The following ARHGEF26 variants were observed in gnomAD, a reference collection of about 807,000 sequenced individuals.
ARHGEF26 encodes the protein Rho guanine nucleotide exchange factor (GEF) 26.
In ARHGEF26, 59 loss-of-function variants were observed where a neutral mutation model predicts 89.4. The ratio of observed to expected loss-of-function variants is 0.66; its 90% CI spans 0.54 to 0.82. ARHGEF26 has a LOEUF of 0.82. ARHGEF26 is among the 40% of genes least tolerant of loss of function. The pLI is 0.00. For synonymous variants in ARHGEF26, 500 were observed against 428.4 expected, an observed-to-expected ratio of 1.17 and a Z score of -2.06; for missense variants, 1,234 against 1,085.6, an observed-to-expected ratio of 1.14 and a Z score of -1.92.
chr3:154,250,278 C>T (rs1369350066), intron 12 of ARHGEF26, among the ~76,000 whole-genome samples: 2 of 152,126 alleles, frequency 1.3e-5, no homozygotes, highest in Non-Finnish European at 2.9e-5. Flanking sequence ...ATCCCTGCCT[C>T]GGCCTCCAAA....
In ARHGEF26 at chr3:154,256,623, T is replaced by G. The variant is rs1718529487; in HGVS notation, c.*1150T>G. Reference sequence around the variant, plus strand: ...AAACTGACGTGAGGCTGCTTTGCCTTCAATAATACCTAGTTTTCAGCTGTT... The same window carrying G: ...AAACTGACGTGAGGCTGCTTTGCCTGCAATAATACCTAGTTTTCAGCTGTT... On this transcript the variant is annotated 3_prime_UTR_variant, in exon 15 of 15. Coordinates refer to ENST00000465093, the MANE Select transcript of ARHGEF26 (RefSeq NM_015595.4). 9.1e-7 allele frequency: 1 copy of G among 1,103,682 alleles called. No individual in the cohort carries two copies. The highest frequency in any genetic ancestry group is 1.1e-6 in the Non-Finnish European group (1 of 908,266). The allele number at this position is 1,103,682 out of a possible 1,614,324, so 68.4% of individuals were successfully genotyped here.
At chr3:154,139,505 A>C (rs983084719) in intron 4 of ARHGEF26, among the ~76,000 whole-genome samples, 1 of 152,208 alleles carries the variant, frequency 6.6e-6, no homozygotes, top group Non-Finnish European at 1.5e-5. Flanking sequence ...AAGAGTTCTG[A>C]ATAACTGCAT....
At chr3:154,135,373 C>T (rs1442012878) in intron 4 of ARHGEF26, among the ~76,000 whole-genome samples, 1 of 152,072 alleles carries the variant, frequency 6.6e-6, no homozygotes, top group Non-Finnish European at 1.5e-5. Flanking sequence ...TAGAGGTATT[C>T]ATAATGTTTT....
intron 9 of ARHGEF26, among the ~76,000 whole-genome samples, chr3:154,209,019 G>A (rs192315302): frequency 6.1e-4 from 93 of 151,960 alleles, no homozygotes; most frequent in Non-Finnish European, 1.1e-3. Flanking sequence ...TGCCCACCTC[G>A]GTCTCCCAAA....
At chr3:154,158,040 C>A (rs1711500785) in intron 6 of ARHGEF26, among the ~76,000 whole-genome samples, 2 of 152,020 alleles carry the variant, frequency 1.3e-5, no homozygotes, top group African/African-American at 4.8e-5. Context: ...TTGGTTGCCC[C>A]AGTAGACTTG....
Position 154,225,994 on chromosome 3 carries a change from A to G in ARHGEF26, c.2074A>G (p.Ile692Val), listed in dbSNP as rs971954780. ...CTTTCTCTTTAACGATGTGCTCATT[A>G]TCACCAAGAAGAAGAGGTAAGTCTT... ...YFFLFNDVLIITKKKSEESYN... is the reference protein window; with the variant it reads ...YFFLFNDVLIVTKKKSEESYN... The change falls in exon 11 of 15, where the codon ATC (isoleucine) becomes GTC (valine). Residue 692 changes from isoleucine to valine, a missense_variant. By Grantham distance (29) the Ile-to-Val change is conservative. Coordinates refer to ENST00000465093, the MANE Select transcript of ARHGEF26 (RefSeq NM_015595.4). 5 of 1,611,212 alleles carry G rather than the reference A, an allele frequency of 3.1e-6. No homozygotes were observed. Among genetic ancestry groups the G allele is most frequent in the Non-Finnish European group, 8.5e-7 (1 of 1,178,964 alleles).
At chr3:154,206,843 C>G (rs1030980180) in intron 9 of ARHGEF26, among the ~76,000 whole-genome samples, 1 of 152,132 alleles carries the variant, frequency 6.6e-6, no homozygotes, top group South Asian at 2.1e-4. Context: ...GGAGGCATCA[C>G]AGTACCTGAC....
At chr3:154,218,598 A>G (rs1234016891) in intron 10 of ARHGEF26, among the ~76,000 whole-genome samples, 4 of 152,210 alleles carry the variant, frequency 2.6e-5, no homozygotes, top group East Asian at 1.9e-4. Flanking sequence ...TTGTGACTCT[A>G]TTGTTTTATA....
chr3:154,191,742 T>G (rs1713971562), intron 8 of ARHGEF26, among the ~76,000 whole-genome samples: 2 of 152,228 alleles, frequency 1.3e-5, no homozygotes, highest in South Asian at 4.1e-4. Flanking sequence ...ATTAGGCATG[T>G]GACCTTGAGC....
intron 9 of ARHGEF26, among the ~76,000 whole-genome samples, chr3:154,198,405 A>G (rs1714415097): frequency 6.6e-6 from 1 of 152,290 alleles, no homozygotes; most frequent in East Asian, 1.9e-4. Flanking sequence ...AGAAGTCATT[A>G]TGTGAAAAAG....
intron 11 of ARHGEF26, among the ~76,000 whole-genome samples, chr3:154,232,515 G>T (rs1234898425): frequency 1.3e-5 from 2 of 152,098 alleles, no homozygotes; most frequent in African/African-American, 2.4e-5. Flanking sequence ...CTTGACATGG[G>T]TATTTAGCTC....
intron 14 of ARHGEF26, 65 bp from the exon 15 acceptor site, chr3:154,255,266 T>A: frequency 6.5e-7 from 1 of 1,532,772 alleles, no homozygotes; most frequent in Non-Finnish European, 8.8e-7. Flanking sequence ...AGCTTTTTCA[T>A]ATCCTTGGAG....
chr3:154,128,770 C>T (rs192523840), intron 3 of ARHGEF26, among the ~76,000 whole-genome samples: 72 of 152,270 alleles, frequency 4.7e-4, no homozygotes, highest in Non-Finnish European at 8.4e-4. Flanking sequence ...CTCACCTGTT[C>T]TATGTCTTTA....
chr3:154,190,266 C>T (rs1016188024), intron 7 of ARHGEF26, among the ~76,000 whole-genome samples: 8 of 152,140 alleles, frequency 5.3e-5, no homozygotes, highest in African/African-American at 1.7e-4. Flanking sequence ...AATCCCACCA[C>T]TTTGGGAGGC....
chr3:154,239,042 A>G (rs1717292066), intron 11 of ARHGEF26, among the ~76,000 whole-genome samples: 1 of 152,124 alleles, frequency 6.6e-6, no homozygotes, highest in Non-Finnish European at 1.5e-5. Flanking sequence ...AGAGAGTGGT[A>G]TGTTTGACAC....
chr3:154,160,285 A>G (rs79192511), intron 6 of ARHGEF26, among the ~76,000 whole-genome samples: 5,120 of 152,222 alleles, frequency 0.034, 273 homozygotes, highest in African/African-American at 0.12. Context: ...GTAATAGTAA[A>G]AGAAATAGGT....
At chr3:154,156,582 CATA>C (rs1286588836) in intron 6 of ARHGEF26, among the ~76,000 whole-genome samples, 2 of 152,112 alleles carry the variant, frequency 1.3e-5, no homozygotes, top group East Asian at 1.9e-4. Context: ...CTGTCTATAT[CATA>C]ATAACTTACA....
At chr3:154,123,324 G>A (rs1213540282) in intron 2 of ARHGEF26, among the ~76,000 whole-genome samples, 1 of 152,132 alleles carries the variant, frequency 6.6e-6, no homozygotes, top group Non-Finnish European at 1.5e-5. Context: ...GGCAGAATTG[G>A]GGGGGACAAG....
chr3:154,130,656 T>G (rs1718631851), intron 4 of ARHGEF26, among the ~76,000 whole-genome samples: 1 of 152,206 alleles, frequency 6.6e-6, no homozygotes, highest in South Asian at 2.1e-4. Context: ...AGTTTGATGC[T>G]TAGTTTACTT....
Sources: gnomAD v4.1 joint callset for allele counts (sites outside exome capture counted in the v4.1 genomes callset) on GRCh38, gnomAD v4.1.1 for gene constraint, MANE v1.5 for transcripts, NCBI Gene and HGNC (gene_info 2026-07-23, HGNC 2026-07-21) for gene names.